Variants in ELAC1 observed in about 807,000 individuals in gnomAD.
The protein encoded by ELAC1 is elaC ribonuclease Z 1, also known as zinc phosphodiesterase ELAC protein 1.
Under a neutral mutation model 25.8 loss-of-function variants are expected in ELAC1, and 19 were observed. The observed-to-expected ratio is 0.74, with a 90% CI of 0.51 to 1.08. The LOEUF (loss-of-function observed/expected upper bound fraction) is 1.08. Among genes scored for constraint, ELAC1 ranks in the 50% least tolerant of loss-of-function variants. The pLI is 0.00. For synonymous variants in ELAC1, 148 were observed against 160.9 expected (o/e 0.92, Z 0.61); for missense variants, 403 against 434.6 (o/e 0.93, Z 0.65).
rs766296740 is a variant in ELAC1 at position 50,984,580 on chromosome 18, T to C, written c.625+17T>C. 1.1e-5 allele frequency: 17 copies of C among 1,585,454 alleles called. No homozygotes were observed. The South Asian group carries it at 1.8e-4, about 17-fold the overall frequency. On this transcript the variant is annotated intron_variant, in intron 3 of 3. Coordinates refer to ENST00000269466, the MANE Select transcript of ELAC1 (RefSeq NM_018696.3). ...AAGACCTTGGTAAGTGTTTTTTTGT[T>C]TTTTGTTTTTTCCCGCCTTCTCATC...
intron 2 of ELAC1, among the ~76,000 whole-genome samples, chr18:50,981,928 C>T (rs1449986982): frequency 6.7e-6 from 1 of 150,052 alleles, no homozygotes; most frequent in African/African-American, 2.5e-5. Flanking sequence ...CTCACCACAA[C>T]CTCCACCTCC....
chr18:50,981,381 A>G (rs1005847810), intron 2 of ELAC1, among the ~76,000 whole-genome samples: 1 of 152,016 alleles, frequency 6.6e-6, no homozygotes, highest in African/African-American at 2.4e-5. Context: ...TGCTCTTGGC[A>G]TAACCTGCTT....
chr18:50,977,025 G>T (rs1035034300), intron 2 of ELAC1, among the ~76,000 whole-genome samples: 3 of 152,228 alleles, frequency 2.0e-5, no homozygotes, highest in Non-Finnish European at 2.9e-5. Context: ...TGATGCAAGA[G>T]GTGGGCTCCC....
At position 50,983,855 on chromosome 18, in the gene ELAC1, T is replaced by TA. The variant is rs999081152; in HGVS notation, c.158-228dup. Among the ~76,000 whole-genome samples, 156 of 144,930 alleles carry TA rather than the reference T, an allele frequency of 1.1e-3. 1 individual carries two copies. The highest frequency in any genetic ancestry group is 1.4e-3 in the East Asian group (7 of 4,988). ...GATGACAGAGCAAGACCTGTCTCTT[T>TA]AAAAAAAAAAAAACTATTAAAAACA... On this transcript the variant is annotated intron_variant, in intron 2 of 3. Coordinates refer to ENST00000269466, the MANE Select transcript of ELAC1 (RefSeq NM_018696.3).
In ELAC1 at chr18:50,974,453, C is replaced by A. The variant is rs373388362; in HGVS notation, c.49C>A (p.Pro17Thr). Residue 17 changes from proline (P) to threonine (T), a missense_variant, in exon 2 of 4, where the codon CCA becomes ACA. Physicochemically the swap from Pro to Thr is conservative, Grantham distance 38. Coordinates refer to ENST00000269466, the MANE Select transcript of ELAC1 (RefSeq NM_018696.3). ...FLGTGAAYPS[P>T]TRGASAVVLR... ...GGGGACGGGTGCAGCATACCCATCT[C>A]CAACCCGGGGTGCCTCTGCTGTGGT... 42 of 1,592,674 alleles carry A rather than the reference C, an allele frequency of 2.6e-5. No homozygotes were observed. Among genetic ancestry groups the A allele is most frequent in the Non-Finnish European group, 2.7e-5 (32 of 1,169,756 alleles).
Position 50,981,152 on chromosome 18 carries a change from T to A in ELAC1, c.158-2944T>A, listed in dbSNP as rs1907940213. ...TATATTATTCTACACCCTATACTTA[T>A]GTGTACACATGAAATGATTATTAAA... is the stretch of plus-strand genomic sequence containing the variant. On this transcript the variant is annotated intron_variant, in intron 2 of 3. Transcript: ENST00000269466. Among the ~76,000 whole-genome samples, 3 of 151,172 alleles carry A rather than the reference T, an allele frequency of 2.0e-5. No individual in the cohort carries two copies. The South Asian group carries it at 6.3e-4, about 32-fold the overall frequency.
chr18:50,984,244 T>C lies in ELAC1; in HGVS notation c.306T>C (p.Phe102=), dbSNP rs777786601. ...ATGGCCCTGTAGGGCTTCGGGACTTTATCTGGCGAACCATGGAACTCTCTC... is the reference window on the plus strand; with the variant it reads ...ATGGCCCTGTAGGGCTTCGGGACTTCATCTGGCGAACCATGGAACTCTCTC... The part of the protein sequence containing the change: ...EIYGPVGLRD[F]IWRTMELSHT... The change falls in exon 3 of 4, where the codon TTT becomes TTC. Residue 102 remains phenylalanine (F), a synonymous_variant. Coordinates refer to ENST00000269466, the MANE Select transcript of ELAC1 (RefSeq NM_018696.3). The C allele has an allele frequency of 2.8e-5, 45 of 1,614,086 alleles. No individual in the cohort carries two copies. Among genetic ancestry groups the C allele is most frequent in the Non-Finnish European group, 3.6e-5 (43 of 1,180,044 alleles).
chr18:50,975,664 A>G (rs1044282971), intron 2 of ELAC1, among the ~76,000 whole-genome samples: 17 of 152,032 alleles, frequency 1.1e-4, no homozygotes, highest in Admixed American at 1.1e-3. Context: ...TATTGAAGTC[A>G]TTATTCCTAC....
intron 1 of ELAC1, among the ~76,000 whole-genome samples, chr18:50,971,767 T>A (rs1907659014): frequency 6.6e-6 from 1 of 151,544 alleles, no homozygotes; most frequent in Admixed American, 6.6e-5. Flanking sequence ...TTAACTTAAA[T>A]TTTTTAAATA....
rs779820962 is a variant in ELAC1, at chr18:50,987,138, T to C, written c.*53T>C. 65 of 1,263,414 alleles carry C rather than the reference T, an allele frequency of 5.1e-5. No homozygotes were observed. Among genetic ancestry groups the C allele is most frequent in the Non-Finnish European group, 6.6e-5 (62 of 936,806 alleles). 78.3% of individuals were successfully genotyped at this position (1,263,414 alleles called of 1,614,324 possible). A position where few individuals can be genotyped will look rare whatever the true frequency, so the allele number is the denominator to read the frequency against. ...ATGTCTGTGAATATGTTACTGAACC[T>C]ATAGTCCAGTTTTTTTATTTCTTGT... On this transcript the variant is annotated 3_prime_UTR_variant, in exon 4 of 4. Coordinates refer to ENST00000269466, the MANE Select transcript of ELAC1 (RefSeq NM_018696.3).
intron 3 of ELAC1, among the ~76,000 whole-genome samples, chr18:50,985,543 A>G (rs1908084444): frequency 1.3e-5 from 2 of 152,254 alleles, no homozygotes; most frequent in Non-Finnish European, 2.9e-5. Flanking sequence ...GGTACATTAT[A>G]TCTCCAGTGT....
chr18:50,972,962 C>T (rs937411645), intron 1 of ELAC1, among the ~76,000 whole-genome samples: 16 of 152,124 alleles, frequency 1.1e-4, no homozygotes. Flanking sequence ...ATAGAATTTC[C>T]ACCAAATACA....
At chr18:50,985,562 T>C (rs1196142086) in intron 3 of ELAC1, among the ~76,000 whole-genome samples, 1 of 152,250 alleles carries the variant, frequency 6.6e-6, no homozygotes, top group African/African-American at 2.4e-5. Context: ...GTCACTGCCT[T>C]CACAGGCATG....
intron 2 of ELAC1, 51 bp downstream of exon 2, chr18:50,974,612 A>G (rs955257419): frequency 6.4e-7 from 1 of 1,564,444 alleles, no homozygotes; most frequent in Non-Finnish European, 8.8e-7. Flanking sequence ...GTTCTGCTTC[A>G]TTTTCTTGGC....
At chr18:50,972,777 C>G (rs1367566297) in intron 1 of ELAC1, among the ~76,000 whole-genome samples, 1 of 152,184 alleles carries the variant, frequency 6.6e-6, no homozygotes, top group Non-Finnish European at 1.5e-5. Context: ...GCCACCGTGC[C>G]CGGCCTATTC....
rs1178992143 is a variant in ELAC1 at position 50,987,365 on chromosome 18, G to A, written c.*280G>A. The A allele has an allele frequency of 7.3e-6, 2 of 273,738 alleles. No homozygotes were observed. Among genetic ancestry groups the A allele is most frequent in the Non-Finnish European group, 1.4e-5 (2 of 147,118 alleles). The allele number at this position is 273,738 out of a possible 1,614,324, so 17.0% of individuals were successfully genotyped here. A position where few individuals can be genotyped will look rare whatever the true frequency, so the allele number is the denominator to read the frequency against. ...CATCTTATTTTGTGCTACTACCACA[G>A]ATAGCCAATATTCCATGCAGTCCTG... is the stretch of plus-strand genomic sequence containing the variant. On this transcript the variant is annotated 3_prime_UTR_variant, in exon 4 of 4. Transcript: ENST00000269466.
intron 1 of ELAC1, among the ~76,000 whole-genome samples, chr18:50,972,727 C>G (rs1388043123): frequency 6.6e-6 from 1 of 152,210 alleles, no homozygotes; most frequent in Non-Finnish European, 1.5e-5. Context: ...AGGTGATCCA[C>G]CCTCCTCAGC....
intron 3 of ELAC1, 143 bp from the exon 4 acceptor site, chr18:50,986,476 A>G: frequency 1.0e-5 from 7 of 683,680 alleles, no homozygotes; most frequent in Admixed American, 5.9e-5. Context: ...AAATGTATAA[A>G]TCCAGTTTTC....
At chr18:50,984,916 A>G in intron 3 of ELAC1, 1 of 319,608 alleles carries the variant, frequency 3.1e-6, no homozygotes, top group Non-Finnish European at 5.6e-6. Context: ...TGGGTGACAA[A>G]GCGAAACTCT....
Sources: allele counts gnomAD v4.1 joint callset (sites outside exome capture counted in the v4.1 genomes callset), GRCh38; gene constraint gnomAD v4.1.1; transcripts MANE v1.5; gene names NCBI Gene and HGNC (gene_info 2026-07-23, HGNC 2026-07-21).